ZNF230: variants seen among roughly 807,000 people sequenced by gnomAD.
ZNF230 encodes zinc finger protein FDZF2.
Under a neutral mutation model 10.0 loss-of-function variants are expected in ZNF230, and 12 were observed. The ratio of observed to expected loss-of-function variants is 1.20; its 90% CI spans 0.77 to 1.95. ZNF230 has a LOEUF of 1.95. Among genes scored for constraint, ZNF230 ranks in the 30% most tolerant of loss-of-function variants. The pLI, the probability that ZNF230 is intolerant of heterozygous loss-of-function variation, is 0.00. For missense variants in ZNF230, 532 were observed against 565.8 expected (o/e 0.94, Z 0.61); for synonymous variants, 174 against 193.6 (o/e 0.90, Z 0.84).
chr19:44,009,097 C>T lies in ZNF230; in HGVS notation c.156C>T (p.Phe52=), dbSNP rs771065620. The change falls in exon 4 of 5, where the codon TTC becomes TTT. Residue 52 remains phenylalanine (F), a synonymous_variant. Transcript: ENST00000429154. ...TNLLSVGHQP[F]HPFHFLREEK... Reference sequence around the variant, plus strand: ...GCATGTTCACAGGGCATCAACCATTCCACCCTTTCCACTTCCTAAGGGAAG... The same window carrying T: ...GCATGTTCACAGGGCATCAACCATTTCACCCTTTCCACTTCCTAAGGGAAG... 3 of 1,614,156 alleles carry T rather than the reference C, an allele frequency of 1.9e-6. No homozygotes were observed. The highest frequency in any genetic ancestry group is 2.2e-5 in the East Asian group (1 of 44,880).
chr19:44,006,839 T>C, intron 1 of ZNF230, 172 bp from the exon 2 acceptor site: 1 of 390,488 alleles, frequency 2.6e-6, no homozygotes, highest in African/African-American at 2.0e-5. Context: ...TATATGGATA[T>C]GCCATGATTT....
At position 44,010,690 on chromosome 19, in the gene ZNF230, C is replaced by A. The variant is rs779295673; in HGVS notation, c.651C>A (p.Val217=). 1.2e-6 allele frequency: 2 copies of A among 1,614,086 alleles called. No homozygotes were observed. The highest frequency in any genetic ancestry group is 2.7e-5 in the African/African-American group (2 of 74,926). ...CATGTCTGCAAACTCGTGAGAGAGT[C>A]CACACTGGAGAGAAACCATTCAAAT... is the stretch of plus-strand genomic sequence containing the variant. ...QSSCLQTRER[V]HTGEKPFKCE... The change falls in exon 5 of 5, where the codon GTC becomes GTA. Residue 217 remains valine (V), a synonymous_variant. Coordinates refer to ENST00000429154, the MANE Select transcript of ZNF230 (RefSeq NM_006300.4).
At chr19:44,004,170 G>GT (rs1304132660) in intron 1 of ZNF230, 1 of 152,170 alleles carries the variant, frequency 6.6e-6, no homozygotes, top group Non-Finnish European at 1.5e-5. Flanking sequence ...TTTGTTTCAT[G>GT]TTTTCCAAGT....
chr19:44,008,629 C>T (rs1039692407), intron 2 of ZNF230, among the ~76,000 whole-genome samples, 161 bp from the exon 3 acceptor site: 9 of 152,192 alleles, frequency 5.9e-5, no homozygotes, highest in African/African-American at 2.2e-4. Context: ...TTCATGATTG[C>T]ACTTCTGGTG....
chr19:44,007,247 T>C (rs1976132295), intron 2 of ZNF230, among the ~76,000 whole-genome samples, 154 bp downstream of exon 2: 1 of 152,220 alleles, frequency 6.6e-6, no homozygotes, highest in South Asian at 2.1e-4. Context: ...GTGTTGACTT[T>C]GCATTTGGTT....
Position 44,012,742 on chromosome 19 carries a change from T to G in ZNF230, c.*1278T>G, listed in dbSNP as rs1218171854. The G allele has an allele frequency of 1.5e-5, 3 of 195,034 alleles. No individual in the cohort carries two copies. In the Admixed American group the frequency reaches 1.8e-4, roughly 12 times the overall value. 12.1% of individuals were successfully genotyped at this position (195,034 alleles called of 1,614,324 possible). A position where few individuals can be genotyped will look rare whatever the true frequency, so the allele number is the denominator to read the frequency against. On this transcript the variant is annotated 3_prime_UTR_variant, in exon 5 of 5. Transcript: ENST00000429154. ...ACTCAAAAGGAGAAAATATGATATT[T>G]TAAAATTGCATCTAGGAGAGAAAAT...
rs370179213 is a variant in ZNF230 at position 44,012,283 on chromosome 19, CT to C, written c.*820del. ...TGTGATAAAGTCTCTGCTCAGTTGTCTATAATCTCATTTGAGAGTTCACAAA... is the reference window on the plus strand; with the variant it reads ...TGTGATAAAGTCTCTGCTCAGTTGTCATAATCTCATTTGAGAGTTCACAAA... On this transcript the variant is annotated 3_prime_UTR_variant, in exon 5 of 5. Transcript: ENST00000429154. The C allele has an allele frequency of 1.6e-4, 75 of 456,206 alleles. No homozygotes were observed. The East Asian group carries it at 3.3e-3, about 20-fold the overall frequency. 28.3% of individuals were successfully genotyped at this position (456,206 alleles called of 1,614,324 possible).
At chr19:44,003,345 T>C (rs1283563192) in intron 1 of ZNF230, 1 of 152,206 alleles carries the variant, frequency 6.6e-6, no homozygotes, top group Non-Finnish European at 1.5e-5. Flanking sequence ...TTGCTGTTTT[T>C]GGTAATGGGG....
At position 44,011,341 on chromosome 19, in the gene ZNF230, C is replaced by G; in HGVS notation, c.1302C>G (p.Phe434Leu). Residue 434 changes from phenylalanine to leucine, a missense_variant, in exon 5 of 5, where the codon TTC becomes TTG. Phe to Leu is a conservative substitution (Grantham distance 22). Coordinates refer to ENST00000429154, the MANE Select transcript of ZNF230 (RefSeq NM_006300.4). ...DCGKRLVHRS[F>L]CKDQQGDHNG... ...GAAAGAGGCTTGTACACCGGTCTTT[C>G]TGTAAAGACCAACAAGGAGACCACA... 2 of 1,614,018 alleles carry G rather than the reference C, an allele frequency of 1.2e-6. No individual in the cohort carries two copies. Among genetic ancestry groups the G allele is most frequent in the East Asian group, 2.2e-5 (1 of 44,872 alleles).
Position 44,013,609 on chromosome 19 carries a change from A to G in ZNF230, c.*2145A>G, listed in dbSNP as rs1976210527. The G allele has an allele frequency of 2.0e-5, 3 of 152,220 alleles. No homozygotes were observed. Among genetic ancestry groups the G allele is most frequent in the South Asian group, 2.1e-4 (1 of 4,830 alleles). The allele number at this position is 152,220 out of a possible 1,614,324, so 9.4% of individuals were successfully genotyped here. ...AAGACCAATAAAATGAGGGAACCAGACATACAGTAAAAGGAGAAAAACATA... is the reference window on the plus strand; with the variant it reads ...AAGACCAATAAAATGAGGGAACCAGGCATACAGTAAAAGGAGAAAAACATA... On this transcript the variant is annotated 3_prime_UTR_variant, in exon 5 of 5. Transcript: ENST00000429154.
chr19:44,012,625 A>G lies in ZNF230; in HGVS notation c.*1161A>G, dbSNP rs977619395. ...AATGATGAACATGTCAAAAGTGGTG[A>G]CCACTAGAATGTCAACTACAGGTAC... On this transcript the variant is annotated 3_prime_UTR_variant, in exon 5 of 5. Transcript: ENST00000429154. The G allele has an allele frequency of 1.3e-5, 5 of 388,288 alleles. No homozygotes were observed. The highest frequency in any genetic ancestry group is 2.5e-5 in the Non-Finnish European group (5 of 198,348). The allele number at this position is 388,288 out of a possible 1,614,324, so 24.1% of individuals were successfully genotyped here.
rs1976207935 is a variant in ZNF230, at chr19:44,013,365, C to CTTCT, written c.*1904_*1907dup. The CTTCT allele has an allele frequency of 6.6e-6, 1 of 152,092 alleles. No homozygotes were observed. 9.4% of individuals were successfully genotyped at this position (152,092 alleles called of 1,614,324 possible). On this transcript the variant is annotated 3_prime_UTR_variant, in exon 5 of 5. Transcript: ENST00000429154. ...GGGGTAGGAGTGACATTTACATGCTCTTCTTTATTGTTGGCAGTAAAAATA... is the reference window on the plus strand; with the variant it reads ...GGGGTAGGAGTGACATTTACATGCTCTTCTTTCTTTATTGTTGGCAGTAAAAATA...
At chr19:44,004,397 G>A (rs1976100765) in intron 1 of ZNF230, 1 of 152,068 alleles carries the variant, frequency 6.6e-6, no homozygotes, top group Admixed American at 6.5e-5. Context: ...TTTCCCATAT[G>A]TCTTTTAACT....
At chr19:44,008,765 AG>A (rs1976144660) in intron 2 of ZNF230, 24 bp from the exon 3 acceptor site, 1 of 1,611,338 alleles carries the variant, frequency 6.2e-7, no homozygotes, top group African/African-American at 1.3e-5. Context: ...CATAGGATTG[AG>A]GTTATGTATC....
rs1470548095 is a variant in ZNF230 at position 44,010,991 on chromosome 19, A to C, written c.952A>C (p.Thr318Pro). ...ATCTGAGGAGTGTGGAAAAGGCTTC[A>C]CTGATAGCCTAGATTTGCATAAGCA... ...YKSEECGKGF[T>P]DSLDLHKHQI... is the part of the protein sequence containing the mutation. Residue 318 changes from threonine to proline, a missense_variant, in exon 5 of 5, where the codon ACT becomes CCT. Thr to Pro is a conservative substitution (Grantham distance 38). Transcript: ENST00000429154. 1 of 1,614,236 alleles carries C rather than the reference A, an allele frequency of 6.2e-7. No homozygotes were observed. Among genetic ancestry groups the C allele is most frequent in the Non-Finnish European group, 8.5e-7 (1 of 1,180,028 alleles).
Position 44,009,248 on chromosome 19 carries a change from A to G in ZNF230, c.229+78A>G, listed in dbSNP as rs566676514. On this transcript the variant is annotated intron_variant, in intron 4 of 4. Coordinates refer to ENST00000429154, the MANE Select transcript of ZNF230 (RefSeq NM_006300.4). ...TTTACTTCTGACCATGCCCACTTATATCACCCTGATCTAAATTGCCCAATC... is the reference window on the plus strand; with the variant it reads ...TTTACTTCTGACCATGCCCACTTATGTCACCCTGATCTAAATTGCCCAATC... 5.5e-6 allele frequency: 8 copies of G among 1,462,478 alleles called. No homozygotes were observed. The East Asian group carries it at 1.1e-4, about 21-fold the overall frequency. 90.6% of individuals were successfully genotyped at this position (1,462,478 alleles called of 1,614,324 possible).
Position 44,010,269 on chromosome 19 carries a change from G to A in ZNF230, c.230G>A (p.Gly77Asp). Residue 77 changes from glycine (G) to aspartate (D), a missense_variant and splice_region_variant, in exon 5 of 5, where the codon GGC becomes GAC. By Grantham distance (94) the Gly-to-Asp change is moderately conservative (BLOSUM62 -1). Transcript: ENST00000429154. ...ATCTCTTCATTCTGTGTCCTTATAG[G>A]CGGCAAGACTATTGCGGAAGCAGGA... ...ETATQREGNS[G>D]GKTIAEAGPH... is the part of the protein sequence containing the mutation. The A allele has an allele frequency of 6.3e-7, 1 of 1,598,436 alleles. No homozygotes were observed. Among genetic ancestry groups the A allele is most frequent in the Non-Finnish European group, 8.5e-7 (1 of 1,171,322 alleles).
Position 44,011,729 on chromosome 19 carries a change from A to C in ZNF230, c.*265A>C. On this transcript the variant is annotated 3_prime_UTR_variant, in exon 5 of 5. Coordinates refer to ENST00000429154, the MANE Select transcript of ZNF230 (RefSeq NM_006300.4). ...TTGTTACCCAATCTTTGGCTATCTC[A>C]CCTAACCCCTACACTTCCCTGCTTC... The C allele has an allele frequency of 2.9e-6, 1 of 348,854 alleles. No homozygotes were observed. Among genetic ancestry groups the C allele is most frequent in the Non-Finnish European group, 5.3e-6 (1 of 189,328 alleles). 21.6% of individuals were successfully genotyped at this position (348,854 alleles called of 1,614,324 possible).
chr19:44,007,667 G>C (rs1232993748), intron 2 of ZNF230, among the ~76,000 whole-genome samples: 1 of 152,182 alleles, frequency 6.6e-6, no homozygotes, highest in Non-Finnish European at 1.5e-5. Flanking sequence ...CCAAGCTCCT[G>C]TGTTTCCGTA....
Sources: gnomAD v4.1 joint callset for allele counts (sites outside exome capture counted in the v4.1 genomes callset) on GRCh38, gnomAD v4.1.1 for gene constraint, MANE v1.5 for transcripts, NCBI Gene and HGNC (gene_info 2026-07-23, HGNC 2026-07-21) for gene names.